The following ARPP21 variants were observed in gnomAD, a reference collection of about 807,000 sequenced individuals.
The protein encoded by ARPP21 is cAMP regulated phosphoprotein 21, also known as cAMP-regulated phosphoprotein 21.
In ARPP21, 69 loss-of-function variants were observed where a neutral mutation model predicts 113.2. That is an observed-to-expected ratio of 0.61 (90% CI 0.50 to 0.74). The LOEUF (loss-of-function observed/expected upper bound fraction) is 0.74. Ranked by LOEUF, ARPP21 falls within the 30% of genes least tolerant of loss-of-function variation. The pLI is 0.00. For missense variants in ARPP21, 1,070 were observed against 1,037.4 expected (o/e 1.03, Z -0.43); for synonymous variants, 368 against 375.5 (o/e 0.98, Z 0.23).
At chr3:35,708,447 A>G (rs1404342356) in intron 10 of ARPP21, among the ~76,000 whole-genome samples, 1 of 152,242 alleles carries the variant, frequency 6.6e-6, no homozygotes, top group Non-Finnish European at 1.5e-5. Flanking sequence ...TGAATTACAC[A>G]AATTAGAAGA....
At chr3:35,685,426 G>A (rs2080261009) in intron 5 of ARPP21, 1 of 984,856 alleles carries the variant, frequency 1.0e-6, no homozygotes, top group African/African-American at 1.7e-5. Context: ...ACACATATAA[G>A]CAAGTGGCCG....
At chr3:35,667,999 GA>G (rs2075191345) in intron 1 of ARPP21, among the ~76,000 whole-genome samples, 4 of 149,878 alleles carry the variant, frequency 2.7e-5, no homozygotes, top group Admixed American at 1.3e-4. Context: ...AGAAGAAGAA[GA>G]AGAAGAAGAA....
At chr3:35,790,577 G>A (rs1486328382) in intron 19 of ARPP21, among the ~76,000 whole-genome samples, 5 of 152,160 alleles carry the variant, frequency 3.3e-5, no homozygotes, top group Non-Finnish European at 5.9e-5. Flanking sequence ...TAGAAGTAGT[G>A]AAAATGGTAA....
intron 19 of ARPP21, among the ~76,000 whole-genome samples, chr3:35,755,513 A>G (rs2095541038): frequency 6.6e-6 from 1 of 151,834 alleles, no homozygotes; most frequent in South Asian, 2.1e-4. Context: ...TTTTCTTTCT[A>G]TTCTGCACAT....
chr3:35,693,748 T>C (rs1318010086), intron 9 of ARPP21, among the ~76,000 whole-genome samples: 7 of 151,660 alleles, frequency 4.6e-5, no homozygotes. Flanking sequence ...GTGTTGGTCA[T>C]GGGAACCATA....
At chr3:35,694,215 C>G (rs1015009381) in intron 9 of ARPP21, among the ~76,000 whole-genome samples, 1 of 151,474 alleles carries the variant, frequency 6.6e-6, no homozygotes, top group Non-Finnish European at 1.5e-5. Flanking sequence ...TCAAAATATT[C>G]AGATCATAAC....
At chr3:35,734,236 C>T (rs1391588521) in intron 15 of ARPP21, among the ~76,000 whole-genome samples, 1 of 151,976 alleles carries the variant, frequency 6.6e-6, no homozygotes, top group Non-Finnish European at 1.5e-5. Context: ...AAATATAGAA[C>T]AAATGAAACA....
chr3:35,700,465 A>G (rs1258990463), intron 9 of ARPP21, among the ~76,000 whole-genome samples: 5 of 151,728 alleles, frequency 3.3e-5, no homozygotes, highest in Non-Finnish European at 5.9e-5. Flanking sequence ...TAATGCTACT[A>G]TCATTTAATG....
At chr3:35,729,558 C>G (rs2093793838) in intron 15 of ARPP21, 22 bp downstream of exon 15, 12 of 1,571,296 alleles carry the variant, frequency 7.6e-6, no homozygotes, top group African/African-American at 4.0e-5. Context: ...CCTGCTTTAT[C>G]AGGGACACAA....
chr3:35,706,081 C>T lies in ARPP21; in HGVS notation c.687-893C>T, dbSNP rs542711518. Reference sequence around the variant, plus strand: ...CTGTAGGGACAGAAAACCTTCTAGGCTTCAGAAGTAATATATCAGATATGA... The same window carrying T: ...CTGTAGGGACAGAAAACCTTCTAGGTTTCAGAAGTAATATATCAGATATGA... On this transcript the variant is annotated intron_variant, in intron 9 of 20. Transcript: ENST00000684406. 5.9e-5 allele frequency among the ~76,000 whole-genome samples: 9 copies of T among 152,234 alleles called. No homozygotes were observed. The South Asian group carries it at 1.9e-3, about 32-fold the overall frequency.
intron 1 of ARPP21, among the ~76,000 whole-genome samples, chr3:35,661,217 C>A (rs1272977407): frequency 6.6e-6 from 1 of 152,148 alleles, no homozygotes; most frequent in African/African-American, 2.4e-5. Context: ...CAAATCTCAG[C>A]CTTGTAAAAC....
intron 9 of ARPP21, among the ~76,000 whole-genome samples, chr3:35,692,438 A>T (rs1161712164): frequency 6.6e-6 from 1 of 151,634 alleles, no homozygotes; most frequent in Non-Finnish European, 1.5e-5. Context: ...TCATGCAGGG[A>T]CATGCTGATT....
At chr3:35,736,424 G>T (rs2094353728) in intron 15 of ARPP21, among the ~76,000 whole-genome samples, 1 of 152,134 alleles carries the variant, frequency 6.6e-6, no homozygotes, top group South Asian at 2.1e-4. Context: ...CACAGGAATT[G>T]TGATGAGGCT....
At chr3:35,742,813 C>G (rs1170928233) in intron 18 of ARPP21, among the ~76,000 whole-genome samples, 1 of 152,142 alleles carries the variant, frequency 6.6e-6, no homozygotes, top group Admixed American at 6.6e-5. Context: ...AGGCGGTCTA[C>G]TAGGGTACTT....
intron 19 of ARPP21, among the ~76,000 whole-genome samples, chr3:35,790,281 C>G (rs1002502126): frequency 5.3e-5 from 8 of 152,150 alleles, no homozygotes; most frequent in Admixed American, 2.6e-4. Flanking sequence ...ATTGCCTGCT[C>G]TTTGCTGTAG....
At chr3:35,753,158 C>T (rs1197023754) in intron 19 of ARPP21, among the ~76,000 whole-genome samples, 1 of 151,088 alleles carries the variant, frequency 6.6e-6, no homozygotes, top group Non-Finnish European at 1.5e-5. Flanking sequence ...AAATACGGTG[C>T]TTCAGGTAAA....
intron 14 of ARPP21, among the ~76,000 whole-genome samples, chr3:35,724,035 C>T (rs2093340736): frequency 6.6e-6 from 1 of 152,146 alleles, no homozygotes; most frequent in Admixed American, 6.5e-5. Context: ...TTTTTATGAC[C>T]TTTCAGAAAC....
chr3:35,704,191 A>T (rs2087708265), intron 9 of ARPP21, among the ~76,000 whole-genome samples: 1 of 151,884 alleles, frequency 6.6e-6, no homozygotes, highest in African/African-American at 2.4e-5. Context: ...ATATTTGAGA[A>T]AAACCTAAGG....
intron 9 of ARPP21, among the ~76,000 whole-genome samples, chr3:35,703,226 A>G (rs898639584): frequency 6.6e-6 from 1 of 151,900 alleles, no homozygotes; most frequent in Admixed American, 6.6e-5. Flanking sequence ...TCAAGATAAG[A>G]AAGATTAAAA....
Sources: allele counts gnomAD v4.1 joint callset (sites outside exome capture counted in the v4.1 genomes callset), GRCh38; gene constraint gnomAD v4.1.1; transcripts MANE v1.5; gene names NCBI Gene and HGNC (gene_info 2026-07-23, HGNC 2026-07-21).